The following AGPAT4 variants were observed in gnomAD, a reference collection of about 807,000 sequenced individuals.
AGPAT4 encodes 1-acyl-sn-glycerol-3-phosphate acyltransferase delta.
A neutral mutation model predicts 48.0 loss-of-function variants in AGPAT4; 15 were observed. The observed-to-expected ratio is 0.31, with a 90% confidence interval of 0.21 to 0.48. The LOEUF (loss-of-function observed/expected upper bound fraction) is 0.48, where lower values mean the gene tolerates loss of function less well. AGPAT4 is among the 20% of genes least tolerant of loss of function. The pLI, the probability that AGPAT4 is intolerant of heterozygous loss-of-function variation, is 0.99. For synonymous variants in AGPAT4, 178 were observed against 198.7 expected, an observed-to-expected ratio of 0.90 and a Z score of 0.88; for missense variants, 314 against 482.5, an observed-to-expected ratio of 0.65 and a Z score of 3.27.
In AGPAT4 at chr6:161,214,427, A is replaced by G. The variant is rs1781590459; in HGVS notation, c.178+17609T>C. On this transcript the variant is annotated intron_variant, in intron 2 of 8. Coordinates refer to ENST00000320285, the MANE Select transcript of AGPAT4 (RefSeq NM_020133.3). The surrounding 1 kb of genome is among the most constrained non-coding windows in gnomAD (Gnocchi z 5.4). ...GCTCACCTGTACAGCATGTGACTGT[A>G]CTGAATACTGTAGGTCACTGTAACA... Among the ~76,000 whole-genome samples, 1 of 152,192 alleles carries G rather than the reference A, an allele frequency of 6.6e-6. No individual in the cohort carries two copies. Among genetic ancestry groups the G allele is most frequent in the South Asian group, 2.1e-4 (1 of 4,822 alleles).
rs1783101053 is a variant in AGPAT4 at position 161,261,577 on chromosome 6, C to T, written c.-90+12361G>A. Among the ~76,000 whole-genome samples, 1 of 152,202 alleles carries T rather than the reference C, an allele frequency of 6.6e-6. No individual in the cohort carries two copies. Among genetic ancestry groups the T allele is most frequent in the Non-Finnish European group, 1.5e-5 (1 of 68,036 alleles). The stretch of plus-strand genomic sequence containing the variant: ...GAGGGACGTAGCTGCTACCCTGAGA[C>T]CGGGTAAGGCATCATCATTAACAAA... On this transcript the variant is annotated intron_variant, in intron 1 of 8. Coordinates refer to ENST00000320285, the MANE Select transcript of AGPAT4 (RefSeq NM_020133.3). The surrounding 1 kb of genome is among the most constrained non-coding windows in gnomAD (Gnocchi z 5.3).
chr6:161,228,794 C>G (rs571810775), intron 2 of AGPAT4, among the ~76,000 whole-genome samples: 3 of 151,862 alleles, frequency 2.0e-5, no homozygotes, highest in Admixed American at 1.3e-4. Flanking sequence ...TTTTACCTAA[C>G]GAAGCCGGCT....
rs1050517328 is a variant in AGPAT4 at position 161,164,192 on chromosome 6, C to T, written c.348+2056G>A. On this transcript the variant is annotated intron_variant, in intron 3 of 8. Coordinates refer to ENST00000320285, the MANE Select transcript of AGPAT4 (RefSeq NM_020133.3). The surrounding 1 kb of genome is among the most constrained non-coding windows in gnomAD (Gnocchi z 7.4). ...CGGTGCTGAGATTAAATTCCCGCTC[C>T]GTGAATGTCTCTTCCCGTCTGGGGG... Among the ~76,000 whole-genome samples, 2 of 152,190 alleles carry T rather than the reference C, an allele frequency of 1.3e-5. No homozygotes were observed. The highest frequency in any genetic ancestry group is 2.4e-5 in the African/African-American group (1 of 41,444).
At position 161,136,650 on chromosome 6, in the gene AGPAT4, G is replaced by A; in HGVS notation, c.1043-16C>T. 6.2e-7 allele frequency: 1 copy of A among 1,612,222 alleles called. No homozygotes were observed. The highest frequency in any genetic ancestry group is 8.5e-7 in the Non-Finnish European group (1 of 1,178,294). ...CCCACGGAGGCTGCAGAGACAAGGA[G>A]AGCAGAGTTAGGAGTAGCCCAAACA... is the stretch of plus-strand genomic sequence containing the variant. On this transcript the variant is annotated splice_polypyrimidine_tract_variant and intron_variant, in intron 8 of 8. Coordinates refer to ENST00000320285, the MANE Select transcript of AGPAT4 (RefSeq NM_020133.3).
chr6:161,157,344 C>G (rs959238849), intron 3 of AGPAT4, among the ~76,000 whole-genome samples: 2 of 152,190 alleles, frequency 1.3e-5, no homozygotes, highest in East Asian at 3.9e-4. Flanking sequence ...CAGAGTTTTG[C>G]TCTTGTCGCA....
rs116489768 is a variant in AGPAT4 at position 161,262,545 on chromosome 6, C to G, written c.-90+11393G>C. 2.2e-3 allele frequency among the ~76,000 whole-genome samples: 342 copies of G among 152,222 alleles called. 3 individuals carry two copies. The highest frequency in any genetic ancestry group is 8.0e-3 in the African/African-American group (331 of 41,532). ...TGGTTTGCTTGTCCCTGGGCAAAGT[C>G]CCCAGCCTAGAGTTCCTCCTTCCAC... On this transcript the variant is annotated intron_variant, in intron 1 of 8. Coordinates refer to ENST00000320285, the MANE Select transcript of AGPAT4 (RefSeq NM_020133.3). This position sits in a 1 kb window ranked among gnomAD's most constrained non-coding sequence, Gnocchi z 4.9.
intron 1 of AGPAT4, among the ~76,000 whole-genome samples, chr6:161,269,854 T>C (rs1037192061): frequency 6.6e-6 from 1 of 152,102 alleles, no homozygotes; most frequent in East Asian, 1.9e-4. Context: ...ATCATGTATG[T>C]GTGAATGGAT....
Position 161,262,921 on chromosome 6 carries a change from G to A in AGPAT4, c.-90+11017C>T, listed in dbSNP as rs565092695. Reference sequence around the variant, plus strand: ...CAGTCCTTGTCTGCAGGGAATGACCGAGGAAGAGAGGCCAGGAGGAGCAAA... The same window carrying A: ...CAGTCCTTGTCTGCAGGGAATGACCAAGGAAGAGAGGCCAGGAGGAGCAAA... On this transcript the variant is annotated intron_variant, in intron 1 of 8. Transcript: ENST00000320285. This position sits in a 1 kb window ranked among gnomAD's most constrained non-coding sequence, Gnocchi z 4.9. Among the ~76,000 whole-genome samples the A allele has an allele frequency of 1.4e-4, 22 of 152,286 alleles. No individual in the cohort carries two copies. Among genetic ancestry groups the A allele is most frequent in the South Asian group, 6.2e-4 (3 of 4,826 alleles).
intron 1 of AGPAT4, among the ~76,000 whole-genome samples, chr6:161,257,081 G>A (rs1782964112): frequency 6.6e-6 from 1 of 152,212 alleles, no homozygotes; most frequent in Non-Finnish European, 1.5e-5. Flanking sequence ...TTGGAGATGG[G>A]GGGAAAGTGG....
intron 2 of AGPAT4, among the ~76,000 whole-genome samples, chr6:161,170,233 C>G (rs1160027650): frequency 6.6e-6 from 1 of 152,152 alleles, no homozygotes; most frequent in Non-Finnish European, 1.5e-5. Context: ...CATGCAGATA[C>G]AACTTCCCTA....
chr6:161,232,068 A>T lies in AGPAT4; in HGVS notation c.146T>A (p.Ile49Asn). ...GATGCAATAGGACAGTCTGCAGTTGATCTTCCGGAAGAGCTGCTTGTTAAT... is the reference window on the plus strand; with the variant it reads ...GATGCAATAGGACAGTCTGCAGTTGTTCTTCCGGAAGAGCTGCTTGTTAAT... ...WPINKQLFRKINCRLSYCISS... is the reference protein window; with the variant it reads ...WPINKQLFRKNNCRLSYCISS... Residue 49 changes from isoleucine (I) to asparagine (N), a missense_variant, in exon 2 of 9, where the codon ATC becomes AAC. Coordinates refer to ENST00000320285, the MANE Select transcript of AGPAT4 (RefSeq NM_020133.3). This position sits in a 1 kb window ranked among gnomAD's most constrained non-coding sequence, Gnocchi z 6.8. The T allele has an allele frequency of 6.2e-7, 1 of 1,614,068 alleles. No individual in the cohort carries two copies. The highest frequency in any genetic ancestry group is 8.5e-7 in the Non-Finnish European group (1 of 1,179,972).
Position 161,180,101 on chromosome 6 carries a change from C to G in AGPAT4, c.179-13684G>C, listed in dbSNP as rs1196141191. Among the ~76,000 whole-genome samples the G allele has an allele frequency of 6.6e-6, 1 of 152,178 alleles. No homozygotes were observed. Among genetic ancestry groups the G allele is most frequent in the Non-Finnish European group, 1.5e-5 (1 of 68,034 alleles). On this transcript the variant is annotated intron_variant, in intron 2 of 8. Transcript: ENST00000320285. This position sits in a 1 kb window ranked among gnomAD's most constrained non-coding sequence, Gnocchi z 6.4. ...CTCTCTAAGTAGTCAGTCACAAGAC[C>G]TGGCTGCATTCTGGTCAGGATCCCA...
Position 161,246,613 on chromosome 6 carries a change from T to C in AGPAT4, c.-89-14311A>G, listed in dbSNP as rs570847057. ...TAGTCTAGATGGGGTTTCTCCATGT[T>C]GGTCAGGCTGGTCTCGAACTCCCAA... On this transcript the variant is annotated intron_variant, in intron 1 of 8. Coordinates refer to ENST00000320285, the MANE Select transcript of AGPAT4 (RefSeq NM_020133.3). The surrounding 1 kb of genome is among the most constrained non-coding windows in gnomAD (Gnocchi z 5.5). Among the ~76,000 whole-genome samples the C allele has an allele frequency of 1.3e-4, 20 of 152,208 alleles. No homozygotes were observed. Among genetic ancestry groups the C allele is most frequent in the Non-Finnish European group, 1.6e-4 (11 of 68,002 alleles).
At position 161,138,774 on chromosome 6, in the gene AGPAT4, C is replaced by A. The variant is rs566299502; in HGVS notation, c.1042+648G>T. On this transcript the variant is annotated intron_variant, in intron 8 of 8. Transcript: ENST00000320285. The surrounding 1 kb of genome is among the most constrained non-coding windows in gnomAD (Gnocchi z 4.8). The stretch of plus-strand genomic sequence containing the variant: ...GACAGGGCCTTTCACAGGGAAACCC[C>A]AAAGTCTTCCTTGGCTCCAGGAAGC... 6.6e-6 allele frequency among the ~76,000 whole-genome samples: 1 copy of A among 152,260 alleles called. No individual in the cohort carries two copies. Among genetic ancestry groups the A allele is most frequent in the Non-Finnish European group, 1.5e-5 (1 of 68,020 alleles).
At position 161,179,980 on chromosome 6, in the gene AGPAT4, A is replaced by C. The variant is rs1486862294; in HGVS notation, c.179-13563T>G. On this transcript the variant is annotated intron_variant, in intron 2 of 8. Transcript: ENST00000320285. ...AAATAAACAATTTAAAATCAGAGAAAGACAGGAAAGAAATTAAGAAGCATG... is the reference window on the plus strand; with the variant it reads ...AAATAAACAATTTAAAATCAGAGAACGACAGGAAAGAAATTAAGAAGCATG... Among the ~76,000 whole-genome samples the C allele has an allele frequency of 2.0e-5, 3 of 152,352 alleles. No individual in the cohort carries two copies. In the East Asian group the frequency reaches 5.8e-4, roughly 29 times the overall value.
intron 2 of AGPAT4, among the ~76,000 whole-genome samples, chr6:161,167,145 G>C (rs1780124134): frequency 6.6e-6 from 1 of 152,174 alleles, no homozygotes; most frequent in Non-Finnish European, 1.5e-5. Context: ...AGTTGAATGT[G>C]GGTGATGGAC....
chr6:161,170,724 C>A (rs536225716), intron 2 of AGPAT4, among the ~76,000 whole-genome samples: 1 of 152,320 alleles, frequency 6.6e-6, no homozygotes, highest in East Asian at 1.9e-4. Flanking sequence ...CCTTCTTGTG[C>A]TGAAGAGCCC....
rs1225964932 is a variant in AGPAT4 at position 161,140,141 on chromosome 6, C to T, written c.844-521G>A. Among the ~76,000 whole-genome samples the T allele has an allele frequency of 1.3e-5, 2 of 152,202 alleles. No individual in the cohort carries two copies. Among genetic ancestry groups the T allele is most frequent in the African/African-American group, 4.8e-5 (2 of 41,472 alleles). On this transcript the variant is annotated intron_variant, in intron 7 of 8. Coordinates refer to ENST00000320285, the MANE Select transcript of AGPAT4 (RefSeq NM_020133.3). This position sits in a 1 kb window ranked among gnomAD's most constrained non-coding sequence, Gnocchi z 6.5. Reference sequence around the variant, plus strand: ...GCCTCCACAGCCAGTTCACCTCGGGCAGCCCACCCGCACCTACCACCCTGT... The same window carrying T: ...GCCTCCACAGCCAGTTCACCTCGGGTAGCCCACCCGCACCTACCACCCTGT...
intron 1 of AGPAT4, among the ~76,000 whole-genome samples, chr6:161,271,024 G>A (rs3798956): frequency 0.12 from 18,337 of 152,182 alleles, 1,289 homozygotes; most frequent in Non-Finnish European, 0.15. Flanking sequence ...TTGTTAAGCT[G>A]AAGCTAAAAA....
Sources: allele counts gnomAD v4.1 joint callset (sites outside exome capture counted in the v4.1 genomes callset), GRCh38; gene constraint gnomAD v4.1.1; non-coding constraint Gnocchi (gnomAD v3.1); transcripts MANE v1.5; gene names NCBI Gene and HGNC (gene_info 2026-07-23, HGNC 2026-07-21).